Variants in LRBA observed in about 807,000 individuals in gnomAD.
LRBA encodes LPS responsive beige-like anchor protein.
A neutral mutation model predicts 330.0 loss-of-function variants in LRBA; 176 were observed. That is an observed-to-expected ratio of 0.53 (90% CI 0.47 to 0.60). The LOEUF (loss-of-function observed/expected upper bound fraction) is 0.60. Ranked by LOEUF, LRBA falls within the 20% of genes least tolerant of loss-of-function variation. The probability of loss-of-function intolerance (pLI) is 0.00; values close to 1 mark genes in which losing one functional copy is unlikely to be tolerated. For synonymous variants in LRBA, 1,230 were observed against 1,193.0 expected, an observed-to-expected ratio of 1.03 and a Z score of -0.64; for missense variants, 3,259 against 3,444.8, an observed-to-expected ratio of 0.95 and a Z score of 1.35.
intron 37 of LRBA, among the ~76,000 whole-genome samples, chr4:150,675,729 AAATT>A (rs1228803101): frequency 6.6e-6 from 1 of 151,738 alleles, no homozygotes; most frequent in Non-Finnish European, 1.5e-5. Flanking sequence ...AAAAATAAAT[AAATT>A]AATTAAATAA....
At chr4:150,713,312 C>G (rs549036291) in intron 36 of LRBA, among the ~76,000 whole-genome samples, 2 of 152,110 alleles carry the variant, frequency 1.3e-5, no homozygotes, top group South Asian at 4.2e-4. Flanking sequence ...TCAATGACAT[C>G]TCAGTTCATC....
At chr4:150,825,378 CA>C (rs936571673) in intron 30 of LRBA, among the ~76,000 whole-genome samples, 16 of 151,934 alleles carry the variant, frequency 1.1e-4, no homozygotes, top group South Asian at 2.1e-4. Context: ...TTTTATGGGG[CA>C]GGGGGGGAAG....
chr4:150,362,032 A>G (rs1290586421), intron 47 of LRBA, among the ~76,000 whole-genome samples: 2 of 152,148 alleles, frequency 1.3e-5, no homozygotes, highest in Non-Finnish European at 2.9e-5. Flanking sequence ...TCGGCCTCCC[A>G]AAGTGCTGGG....
intron 37 of LRBA, among the ~76,000 whole-genome samples, chr4:150,663,165 A>C (rs1177652693): frequency 6.6e-6 from 1 of 152,214 alleles, no homozygotes; most frequent in Non-Finnish European, 1.5e-5. Context: ...ATTTAACAAA[A>C]TGTAACCTAG....
chr4:150,389,724 A>G (rs1743637793), intron 47 of LRBA, among the ~76,000 whole-genome samples: 1 of 151,298 alleles, frequency 6.6e-6, no homozygotes, highest in Non-Finnish European at 1.5e-5. Flanking sequence ...CCAGAGACTA[A>G]CCATGAACAT....
intron 35 of LRBA, among the ~76,000 whole-genome samples, chr4:150,737,370 G>A (rs750703213): frequency 6.6e-6 from 1 of 152,164 alleles, no homozygotes; most frequent in Non-Finnish European, 1.5e-5. Context: ...TGAGGTGGAA[G>A]AATGGCTTGA....
intron 56 of LRBA, among the ~76,000 whole-genome samples, chr4:150,270,130 G>T (rs1043059393): frequency 6.6e-6 from 1 of 152,126 alleles, no homozygotes; most frequent in African/African-American, 2.4e-5. Flanking sequence ...ATGTAAAATG[G>T]TACAGCCACT....
chr4:150,970,955 A>C (rs886534096), intron 2 of LRBA, among the ~76,000 whole-genome samples: 2 of 152,186 alleles, frequency 1.3e-5, no homozygotes, highest in African/African-American at 4.8e-5. Context: ...AAACTAGGTC[A>C]GAAAGATTAC....
intron 40 of LRBA, chr4:150,579,542 T>C (rs759928801): frequency 2.5e-6 from 1 of 406,648 alleles, no homozygotes; most frequent in Non-Finnish European, 4.9e-6. Flanking sequence ...AAATTGGTAA[T>C]GAATTGTTTT....
At chr4:150,294,095 G>C (rs527630242) in intron 53 of LRBA, among the ~76,000 whole-genome samples, 2 of 152,172 alleles carry the variant, frequency 1.3e-5, no homozygotes, top group East Asian at 1.9e-4. Context: ...CTGACGGTGT[G>C]GGGGGTTGGC....
chr4:150,805,429 AAAGGAAAGG>A (rs1742520365), intron 33 of LRBA, among the ~76,000 whole-genome samples: 1 of 118,844 alleles, frequency 8.4e-6, no homozygotes, highest in Admixed American at 8.5e-5. Context: ...AAAGGAAAGG[AAAGGAAAGG>A]AAGGAAAGGG....
At chr4:150,906,510 A>G in intron 11 of LRBA, 105 bp from the exon 12 acceptor site, 1 of 600,586 alleles carries the variant, frequency 1.7e-6, no homozygotes, top group East Asian at 2.9e-5. Flanking sequence ...AAAGTTCTCC[A>G]TTTCAAAGAA....
At chr4:150,381,197 ACATT>A (rs1000045363) in intron 47 of LRBA, among the ~76,000 whole-genome samples, 1 of 152,114 alleles carries the variant, frequency 6.6e-6, no homozygotes, top group African/African-American at 2.4e-5. Flanking sequence ...TTCTTTTTCA[ACATT>A]TAAATATAAC....
intron 5 of LRBA, among the ~76,000 whole-genome samples, chr4:150,917,274 G>GA (rs146289600): frequency 1.1e-4 from 16 of 151,098 alleles, no homozygotes; most frequent in African/African-American, 3.4e-4. Flanking sequence ...TTAATTAAAT[G>GA]AAAAAAAAAT....
rs1199617384 is a variant in LRBA at position 150,422,651 on chromosome 4, G to A, written c.7042-7061C>T. 4 of 636,230 alleles carry A rather than the reference G, an allele frequency of 6.3e-6. No homozygotes were observed. In the African/African-American group the frequency reaches 7.3e-5, roughly 12 times the overall value. 39.4% of individuals were successfully genotyped at this position (636,230 alleles called of 1,614,324 possible). A position where few individuals can be genotyped will look rare whatever the true frequency, so the allele number is the denominator to read the frequency against. On this transcript the variant is annotated intron_variant, in intron 46 of 56. Coordinates refer to ENST00000651943, the MANE Select transcript of LRBA (RefSeq NM_001364905.1). The stretch of plus-strand genomic sequence containing the variant: ...GAAGAGCACCCTGAGTTCCTTAGAA[G>A]AACTGGCACTGCTCCGGCTCCTCTA...
intron 40 of LRBA, chr4:150,579,371 GGA>G: frequency 2.2e-6 from 1 of 454,796 alleles, no homozygotes. Context: ...TTGGGGTGGG[GGA>G]GGGGGGAGAA....
chr4:150,350,107 A>C lies in LRBA; in HGVS notation c.7247T>G (p.Ile2416Ser), dbSNP rs1368112512. ...SCQLHQWIDL[I>S]FGYKQQGPEA... ...TGGTCCTTGCTGTTTATAGCCAAAA[A>C]TGAGATCAATCCATTGGTGAAGCTG... The change falls in exon 48 of 57, where the codon ATT becomes AGT. Residue 2416 changes from isoleucine to serine, a missense_variant. Physicochemically the swap from Ile to Ser is moderately radical, Grantham distance 142. Transcript: ENST00000651943. The C allele has an allele frequency of 1.2e-6, 2 of 1,606,784 alleles. No individual in the cohort carries two copies. The highest frequency in any genetic ancestry group is 8.5e-7 in the Non-Finnish European group (1 of 1,177,516).
intron 42 of LRBA, among the ~76,000 whole-genome samples, chr4:150,481,584 CT>C (rs1310364336): frequency 1.3e-5 from 2 of 152,074 alleles, no homozygotes; most frequent in East Asian, 3.9e-4. Flanking sequence ...CTCTTGGCCC[CT>C]GGTAACCAAT....
chr4:150,983,912 T>C (rs1172017648), intron 2 of LRBA, among the ~76,000 whole-genome samples: 1 of 152,224 alleles, frequency 6.6e-6, no homozygotes, highest in African/African-American at 2.4e-5. Context: ...TGGGATGTTT[T>C]TATTCATGTA....
Sources: gnomAD v4.1 joint callset for allele counts (sites outside exome capture counted in the v4.1 genomes callset) on GRCh38, gnomAD v4.1.1 for gene constraint, MANE v1.5 for transcripts, NCBI Gene and HGNC (gene_info 2026-07-23, HGNC 2026-07-21) for gene names.